DNAJC2: variants seen among roughly 807,000 people sequenced by gnomAD.
DNAJC2 encodes DnaJ heat shock protein family (Hsp40) member C2, also known as dnaJ homolog subfamily C member 2.
A neutral mutation model predicts 94.0 loss-of-function variants in DNAJC2; 32 were observed. The ratio of observed to expected loss-of-function variants is 0.34; its 90% CI spans 0.26 to 0.46. DNAJC2 has a LOEUF of 0.46. Ranked by LOEUF, DNAJC2 falls within the 20% of genes least tolerant of loss-of-function variation. The pLI, the probability that DNAJC2 is intolerant of heterozygous loss-of-function variation, is 1.00. For missense variants in DNAJC2, 550 were observed against 719.5 expected (o/e 0.76, Z 2.69); for synonymous variants, 210 against 229.7 (o/e 0.91, Z 0.77).
chr7:103,338,226 T>C (rs1209290239), intron 2 of DNAJC2, among the ~76,000 whole-genome samples: 3 of 150,742 alleles, frequency 2.0e-5, no homozygotes, highest in African/African-American at 7.3e-5. Flanking sequence ...GCTGTGATCA[T>C]GCCACTGCAC....
At chr7:103,334,409 G>A (rs1383438347) in intron 3 of DNAJC2, among the ~76,000 whole-genome samples, 1 of 151,466 alleles carries the variant, frequency 6.6e-6, no homozygotes, top group African/African-American at 2.4e-5. Flanking sequence ...TAAAAAATAC[G>A]AAAATTAGTC....
intron 2 of DNAJC2, among the ~76,000 whole-genome samples, chr7:103,339,054 C>T (rs1211356866): frequency 1.3e-5 from 2 of 152,162 alleles, no homozygotes; most frequent in East Asian, 1.9e-4. Context: ...CAAACAGAAA[C>T]CTGTAAAACC....
chr7:103,340,918 A>G (rs1200119176), intron 2 of DNAJC2, among the ~76,000 whole-genome samples: 4 of 152,198 alleles, frequency 2.6e-5, no homozygotes, highest in Admixed American at 1.3e-4. Context: ...GGACACAAAC[A>G]GCACCTCCCA....
intron 5 of DNAJC2, 130 bp downstream of exon 5, chr7:103,326,413 G>A (rs952075866): frequency 2.3e-6 from 2 of 879,102 alleles, no homozygotes; most frequent in Admixed American, 2.6e-5. Context: ...AGAGAAGGAG[G>A]AGGAGGAGGA....
At chr7:103,327,197 C>A (rs1414674014) in intron 4 of DNAJC2, 2 of 373,066 alleles carry the variant, frequency 5.4e-6, no homozygotes, top group African/African-American at 4.3e-5. Context: ...ACTGTAGGGT[C>A]TGTACTAGGA....
At chr7:103,324,598 A>C (rs765244068) in intron 5 of DNAJC2, 36 bp from the exon 6 acceptor site, 1 of 1,406,616 alleles carries the variant, frequency 7.1e-7, no homozygotes, top group Non-Finnish European at 9.5e-7. Context: ...ACAATTCTTC[A>C]AAAATTATGT....
chr7:103,326,718 AACTT>A (rs1454592453), intron 4 of DNAJC2, 34 bp from the exon 5 acceptor site: 4 of 1,562,424 alleles, frequency 2.6e-6, no homozygotes, highest in Middle Eastern at 1.7e-4. Context: ...ACATCACCAT[AACTT>A]TACCTATTTT....
intron 12 of DNAJC2, among the ~76,000 whole-genome samples, chr7:103,318,869 G>A (rs1818222220): frequency 6.6e-6 from 1 of 152,160 alleles, no homozygotes; most frequent in Non-Finnish European, 1.5e-5. Context: ...ACTAAGTATG[G>A]TAAAAACCAT....
intron 10 of DNAJC2, among the ~76,000 whole-genome samples, chr7:103,321,721 C>T (rs527607796): frequency 6.6e-6 from 1 of 152,030 alleles, no homozygotes; most frequent in African/African-American, 2.4e-5. Flanking sequence ...TGGTGGCACA[C>T]GCCTGTAATC....
chr7:103,320,676 G>A (rs901546806), intron 10 of DNAJC2, among the ~76,000 whole-genome samples: 1 of 150,632 alleles, frequency 6.6e-6, no homozygotes, highest in Non-Finnish European at 1.5e-5. Flanking sequence ...CCCAGGAGGC[G>A]GAGCTTGCAG....
intron 3 of DNAJC2, among the ~76,000 whole-genome samples, chr7:103,334,657 A>G (rs1404061426): frequency 6.6e-6 from 1 of 151,240 alleles, no homozygotes; most frequent in East Asian, 1.9e-4. Flanking sequence ...TATGTTGTCC[A>G]GGTTGGTCTT....
intron 7 of DNAJC2, 91 bp downstream of exon 7, chr7:103,323,507 T>C (rs945850612): frequency 2.4e-6 from 3 of 1,262,918 alleles, no homozygotes; most frequent in African/African-American, 1.6e-5. Flanking sequence ...AGAGAAAATA[T>C]GAAAGAAAAT....
chr7:103,312,679 G>T, intron 16 of DNAJC2, 36 bp from the exon 17 acceptor site: 1 of 1,603,488 alleles, frequency 6.2e-7, no homozygotes, highest in Non-Finnish European at 8.5e-7. Flanking sequence ...AAGAAGTTGC[G>T]ATTTAAAAAC....
chr7:103,335,038 T>G (rs1177603920), intron 3 of DNAJC2, among the ~76,000 whole-genome samples: 1 of 152,160 alleles, frequency 6.6e-6, no homozygotes, highest in Non-Finnish European at 1.5e-5. Context: ...TTCGCCATGT[T>G]GGCCAGGCTG....
At chr7:103,338,771 G>A (rs529587525) in intron 2 of DNAJC2, among the ~76,000 whole-genome samples, 2 of 151,888 alleles carry the variant, frequency 1.3e-5, no homozygotes, top group South Asian at 2.1e-4. Context: ...TTAGCCGGGC[G>A]TGGTGGCGCC....
chr7:103,313,959 T>C (rs546614936), intron 15 of DNAJC2: 3 of 985,406 alleles, frequency 3.0e-6, no homozygotes, highest in East Asian at 2.3e-4. Context: ...TACTAGAAAC[T>C]GCGGCCTGTG....
chr7:103,344,708 C>A lies in DNAJC2; in HGVS notation c.-86G>T. The A allele has an allele frequency of 7.1e-7, 1 of 1,410,986 alleles. No homozygotes were observed. Among genetic ancestry groups the A allele is most frequent in the Non-Finnish European group, 9.9e-7 (1 of 1,014,364 alleles). 87.4% of individuals were successfully genotyped at this position (1,410,986 alleles called of 1,614,324 possible). A position where few individuals can be genotyped will look rare whatever the true frequency, so the allele number is the denominator to read the frequency against. On this transcript the variant is annotated 5_prime_UTR_variant, in exon 1 of 17. Transcript: ENST00000379263. Reference sequence around the variant, plus strand: ...GGGTCCCCTCCAGCTCTACCTCTCACTCCGAGCCTCGCGCCTTGGCTCTAA... The same window carrying A: ...GGGTCCCCTCCAGCTCTACCTCTCAATCCGAGCCTCGCGCCTTGGCTCTAA...
chr7:103,333,787 G>A (rs919454858), intron 3 of DNAJC2, among the ~76,000 whole-genome samples: 11 of 152,128 alleles, frequency 7.2e-5, no homozygotes, highest in Admixed American at 5.2e-4. Flanking sequence ...CATGGTTTGA[G>A]ATTCATCCAT....
At chr7:103,314,371 A>T in intron 15 of DNAJC2, 4 of 985,434 alleles carry the variant, frequency 4.1e-6, no homozygotes, top group Non-Finnish European at 4.8e-6. Flanking sequence ...ACTGAAGAGG[A>T]AGGAGCCTTC....
Sources: allele counts gnomAD v4.1 joint callset (sites outside exome capture counted in the v4.1 genomes callset), GRCh38; gene constraint gnomAD v4.1.1; transcripts MANE v1.5; gene names NCBI Gene and HGNC (gene_info 2026-07-23, HGNC 2026-07-21).